Variants in HTT observed in about 807,000 individuals in gnomAD.
HTT encodes the protein huntington disease protein.
HTT carries 104 observed loss-of-function variants against 362.3 expected under a neutral mutation model. The observed-to-expected ratio is 0.29, with a 90% CI of 0.24 to 0.34. The LOEUF is 0.34. Among genes scored for constraint, HTT ranks in the 10% least tolerant of loss-of-function variants. The pLI is 1.00. For synonymous variants in HTT, 1,577 were observed against 1,548.7 expected, an observed-to-expected ratio of 1.02 and a Z score of -0.43; for missense variants, 3,301 against 3,928.6, an observed-to-expected ratio of 0.84 and a Z score of 4.27.
intron 6 of HTT, among the ~76,000 whole-genome samples, chr4:3,111,747 G>C (rs574216385): frequency 6.6e-6 from 1 of 152,144 alleles, no homozygotes; most frequent in African/African-American, 2.4e-5. Context: ...TGCCGGAGGT[G>C]GGGGAGGGGC....
chr4:3,125,703 C>T (rs1578518197), intron 11 of HTT, 74 bp downstream of exon 11: 2 of 1,087,184 alleles, frequency 1.8e-6, no homozygotes, highest in East Asian at 2.4e-5. Context: ...CCTGCTCGTC[C>T]CCCTGCACCT....
chr4:3,134,849 C>T (rs989509591), intron 19 of HTT, among the ~76,000 whole-genome samples: 1 of 152,146 alleles, frequency 6.6e-6, no homozygotes, highest in Admixed American at 6.5e-5. Flanking sequence ...CCTGCCTCAG[C>T]CTCCCGATTA....
chr4:3,224,855 T>C (rs1335651752), intron 56 of HTT, among the ~76,000 whole-genome samples: 2 of 152,148 alleles, frequency 1.3e-5, no homozygotes, highest in African/African-American at 4.8e-5. Flanking sequence ...ACTGAGCACT[T>C]GGAGGGCCAT....
intron 40 of HTT, among the ~76,000 whole-genome samples, chr4:3,196,319 A>G (rs116775224): frequency 0.019 from 2,930 of 152,190 alleles, 82 homozygotes; most frequent in African/African-American, 0.063. Flanking sequence ...GGGACCTTCT[A>G]TCCTGTCCCC....
intron 60 of HTT, 52 bp from the exon 61 acceptor site, chr4:3,233,111 C>A: frequency 1.3e-6 from 2 of 1,491,646 alleles, no homozygotes; most frequent in Non-Finnish European, 1.8e-6. Context: ...GGAGGAGCCA[C>A]TGGGACGTGA....
intron 9 of HTT, chr4:3,121,694 C>CAAA (rs1019406950): frequency 3.8e-4 from 15 of 39,548 alleles, no homozygotes; most frequent in Admixed American, 7.8e-4. Context: ...CCTGTCTCTA[C>CAAA]AAAAAAAAAA....
intron 3 of HTT, among the ~76,000 whole-genome samples, chr4:3,101,440 C>T (rs1714151082): frequency 6.6e-6 from 1 of 152,196 alleles, no homozygotes. Context: ...AGTTGTCAGG[C>T]CCAGCGGGCT....
rs552857147 is a variant in HTT, at chr4:3,207,966, G to A, written c.6152+609G>A. Among the ~76,000 whole-genome samples the A allele has an allele frequency of 3.3e-5, 5 of 152,222 alleles. No homozygotes were observed. In the South Asian group the frequency reaches 1.0e-3, roughly 32 times the overall value. ...GGGGGCAGGGATTGTGTGTGTGAGA[G>A]GGAGAGAGAGACAGCAGAGAAGGAG... On this transcript the variant is annotated intron_variant, in intron 45 of 66. Transcript: ENST00000355072.
Position 3,208,851 on chromosome 4 carries a change from C to G in HTT, c.6231C>G (p.Val2077=). 11 of 1,614,178 alleles carry G rather than the reference C, an allele frequency of 6.8e-6. No individual in the cohort carries two copies. The highest frequency in any genetic ancestry group is 9.3e-6 in the Non-Finnish European group (11 of 1,179,998). The change falls in exon 46 of 67, where the codon GTC becomes GTG. Residue 2077 remains valine (V), a synonymous_variant. Transcript: ENST00000355072. ...ACTCACTTAGTCCCTCTCCTCCAGT[C>G]TCTTCCCACCCGCTGGACGGGGATG... ...MQDSLSPSPP[V]SSHPLDGDGH...
At chr4:3,130,190 T>C (rs979145587) in intron 13 of HTT, 115 bp from the exon 14 acceptor site, 1 of 1,059,662 alleles carries the variant, frequency 9.4e-7, no homozygotes, top group South Asian at 1.6e-5. Context: ...AATTGAGGAA[T>C]AATCATACTT....
intron 1 of HTT, among the ~76,000 whole-genome samples, chr4:3,080,953 C>T (rs909593412): frequency 1.3e-5 from 2 of 152,180 alleles, no homozygotes; most frequent in African/African-American, 4.8e-5. Context: ...GTCTTTATGT[C>T]GATCCTGTGC....
At chr4:3,235,446 C>T (rs746940623) in intron 62 of HTT, 48 bp downstream of exon 62, 2 of 1,507,602 alleles carry the variant, frequency 1.3e-6, no homozygotes, top group South Asian at 2.3e-5. Flanking sequence ...AGTGGGCTTC[C>T]CTTCTCTTTT....
At position 3,223,565 on chromosome 4, in the gene HTT, G is replaced by A. The variant is rs763403006; in HGVS notation, c.7625+5G>A. The A allele has an allele frequency of 1.2e-6, 2 of 1,602,064 alleles. No homozygotes were observed. Among genetic ancestry groups the A allele is most frequent in the South Asian group, 2.2e-5 (2 of 89,286 alleles). On this transcript the variant is annotated splice_donor_5th_base_variant and intron_variant, in intron 55 of 66. Coordinates refer to ENST00000355072, the MANE Select transcript of HTT (RefSeq NM_001388492.1). ...TCTGAAAGCTCTCGACACCAGGTTT[G>A]CTTGAGTTCCCACGTGTCTCTGGGA... is the stretch of plus-strand genomic sequence containing the variant.
At chr4:3,227,152 G>A (rs1325167979) in intron 57 of HTT, among the ~76,000 whole-genome samples, 1 of 152,226 alleles carries the variant, frequency 6.6e-6, no homozygotes, top group East Asian at 1.9e-4. Context: ...CAATGTTTGC[G>A]TTGTGTCCAG....
intron 9 of HTT, among the ~76,000 whole-genome samples, chr4:3,122,064 A>G (rs1300589587): frequency 3.9e-5 from 6 of 152,236 alleles, no homozygotes; most frequent in East Asian, 3.8e-4. Flanking sequence ...GGCATCTTCA[A>G]GTCGTCAGAG....
In HTT at chr4:3,214,051, G is replaced by A. The variant is rs1230927293; in HGVS notation, c.6868G>A (p.Gly2290Ser). 3 of 1,609,892 alleles carry A rather than the reference G, an allele frequency of 1.9e-6. No individual in the cohort carries two copies. The highest frequency in any genetic ancestry group is 2.5e-6 in the Non-Finnish European group (3 of 1,178,036). ...CTGCTGCCTGGCCCTGCAGCTGCCTGGCCTCTGGAGCGTGGTCTCCTCCAC... is the reference window on the plus strand; with the variant it reads ...CTGCTGCCTGGCCCTGCAGCTGCCTAGCCTCTGGAGCGTGGTCTCCTCCAC... ...DCCCLALQLP[G>S]LWSVVSSTEF... Residue 2290 changes from glycine (G) to serine (S), a missense_variant, in exon 50 of 67, where the codon GGC becomes AGC. Transcript: ENST00000355072.
At chr4:3,152,513 C>T (rs1190564719) in intron 26 of HTT, among the ~76,000 whole-genome samples, 2 of 152,156 alleles carry the variant, frequency 1.3e-5, no homozygotes, top group Non-Finnish European at 2.9e-5. Flanking sequence ...TTTTAGAACC[C>T]ATAAAGGAAC....
At chr4:3,211,249 GA>G (rs2110275186) in intron 47 of HTT, among the ~76,000 whole-genome samples, 1 of 152,286 alleles carries the variant, frequency 6.6e-6, no homozygotes, top group Non-Finnish European at 1.5e-5. Context: ...CTAACTTACT[GA>G]GTGATAAATT....
intron 29 of HTT, among the ~76,000 whole-genome samples, chr4:3,170,652 A>G (rs555997571): frequency 4.6e-5 from 7 of 152,094 alleles, no homozygotes; most frequent in South Asian, 2.1e-4. Context: ...CACCTCTTCA[A>G]TTCAGAGGGT....
Sources: gnomAD v4.1 joint callset for allele counts (sites outside exome capture counted in the v4.1 genomes callset) on GRCh38, gnomAD v4.1.1 for gene constraint, MANE v1.5 for transcripts, NCBI Gene and HGNC (gene_info 2026-07-23, HGNC 2026-07-21) for gene names.